CRAMP1: variants seen among roughly 807,000 people sequenced by gnomAD.
CRAMP1 encodes the protein protein cramped-like.
In CRAMP1, 50 loss-of-function variants were observed where a neutral mutation model predicts 115.4. That is an observed-to-expected ratio of 0.43 (90% CI 0.35 to 0.55). The LOEUF (loss-of-function observed/expected upper bound fraction) is 0.55. Ranked by LOEUF, CRAMP1 falls within the 20% of genes least tolerant of loss-of-function variation. The probability of loss-of-function intolerance (pLI) is 0.01; values close to 1 mark genes in which losing one functional copy is unlikely to be tolerated. For synonymous variants in CRAMP1, 866 were observed against 745.4 expected (o/e 1.16, Z -2.64); for missense variants, 1,679 against 1,721.7 (o/e 0.98, Z 0.44).
chr16:1,666,357 C>T lies in CRAMP1; in HGVS notation c.2858-65C>T. The T allele has an allele frequency of 6.7e-7, 1 of 1,483,022 alleles. No individual in the cohort carries two copies. The highest frequency in any genetic ancestry group is 9.2e-7 in the Non-Finnish European group (1 of 1,082,936). 91.9% of individuals were successfully genotyped at this position (1,483,022 alleles called of 1,614,324 possible). On this transcript the variant is annotated intron_variant, in intron 15 of 20. Coordinates refer to ENST00000397412, the MANE Select transcript of CRAMP1 (RefSeq NM_020825.4). The surrounding 1 kb of genome is among the most constrained non-coding windows in gnomAD (Gnocchi z 5.0). ...TGCGAGGGAGAAGCTGTTCCCCGAGCCCTCTTGGGACATCTTATGGGTTGT... is the reference window on the plus strand; with the variant it reads ...TGCGAGGGAGAAGCTGTTCCCCGAGTCCTCTTGGGACATCTTATGGGTTGT...
intron 17 of CRAMP1, among the ~76,000 whole-genome samples, chr16:1,667,694 A>C (rs971624909): frequency 4.6e-5 from 7 of 152,174 alleles, no homozygotes; most frequent in African/African-American, 1.7e-4. Context: ...GCTGTCAGCT[A>C]GTAACTCCCC....
chr16:1,653,269 T>C, intron 8 of CRAMP1, 113 bp downstream of exon 8: 1 of 1,269,194 alleles, frequency 7.9e-7, no homozygotes, highest in Admixed American at 2.2e-5. Flanking sequence ...ACCCCTATGC[T>C]CTGTCATCAC....
intron 2 of CRAMP1, among the ~76,000 whole-genome samples, chr16:1,624,225 T>C (rs2036489352): frequency 6.6e-6 from 1 of 151,804 alleles, no homozygotes; most frequent in South Asian, 2.1e-4. Context: ...CGATCTCTGC[T>C]CACTGCAACC....
chr16:1,665,001 G>A (rs2036861864), intron 13 of CRAMP1, 56 bp from the exon 14 acceptor site: 2 of 1,207,346 alleles, frequency 1.7e-6, no homozygotes, highest in Admixed American at 3.4e-5. Context: ...GTAACTGGGA[G>A]TGATTTTTTG....
intron 2 of CRAMP1, among the ~76,000 whole-genome samples, chr16:1,615,656 G>T (rs933028778): frequency 2.0e-5 from 3 of 152,186 alleles, no homozygotes; most frequent in African/African-American, 7.2e-5. Flanking sequence ...CTTAGCTGGG[G>T]TCTCTTACCA....
Position 1,674,089 on chromosome 16 carries a change from A to G in CRAMP1, c.*44A>G, listed in dbSNP as rs769535808. 3.8e-6 allele frequency: 6 copies of G among 1,582,760 alleles called. No homozygotes were observed. Among genetic ancestry groups the G allele is most frequent in the Non-Finnish European group, 5.2e-6 (6 of 1,162,628 alleles). ...GATGAAGCCCTCTTCGAGCTAGAGAAAAATAGATAAGCCCAGCAGCCCCAG... is the reference window on the plus strand; with the variant it reads ...GATGAAGCCCTCTTCGAGCTAGAGAGAAATAGATAAGCCCAGCAGCCCCAG... On this transcript the variant is annotated 3_prime_UTR_variant, in exon 21 of 21. Coordinates refer to ENST00000397412, the MANE Select transcript of CRAMP1 (RefSeq NM_020825.4).
chr16:1,670,480 T>A, intron 19 of CRAMP1, 184 bp from the exon 20 acceptor site: 2 of 647,064 alleles, frequency 3.1e-6, no homozygotes, highest in South Asian at 3.6e-5. Flanking sequence ...CACGAAGGCC[T>A]GTTAAACGAG....
chr16:1,660,470 A>G (rs1462129337), intron 11 of CRAMP1, among the ~76,000 whole-genome samples: 5 of 152,186 alleles, frequency 3.3e-5, no homozygotes, highest in Admixed American at 1.3e-4. Flanking sequence ...GGGAGGTGCC[A>G]GTAGGTTAAC....
chr16:1,646,893 G>A, intron 6 of CRAMP1: 1 of 563,828 alleles, frequency 1.8e-6, no homozygotes. Flanking sequence ...TGTGCCATCT[G>A]AAAGGACTGT....
At chr16:1,661,991 A>C (rs2036834798) in intron 11 of CRAMP1, among the ~76,000 whole-genome samples, 1 of 152,210 alleles carries the variant, frequency 6.6e-6, no homozygotes, top group Non-Finnish European at 1.5e-5. Flanking sequence ...GATCCAGCTC[A>C]CTGCCTGCTG....
chr16:1,673,807 G>A (rs928091075), intron 20 of CRAMP1, 74 bp from the exon 21 acceptor site: 42 of 1,459,424 alleles, frequency 2.9e-5, no homozygotes, highest in Middle Eastern at 4.3e-4. Context: ...TTCTCGTCCT[G>A]TTTCAGGACC....
intron 2 of CRAMP1, among the ~76,000 whole-genome samples, chr16:1,621,514 C>T (rs1028637719): frequency 2.6e-5 from 4 of 152,274 alleles, no homozygotes; most frequent in South Asian, 2.1e-4. Flanking sequence ...GGCGCTGACA[C>T]GGGCTAAGCA....
At chr16:1,617,085 A>C (rs979571232) in intron 2 of CRAMP1, among the ~76,000 whole-genome samples, 6 of 152,038 alleles carry the variant, frequency 3.9e-5, no homozygotes, top group Non-Finnish European at 2.9e-5. Context: ...CAGCCCCCCA[A>C]AGTGCTGGGA....
chr16:1,639,954 G>A (rs1567452570), intron 5 of CRAMP1, among the ~76,000 whole-genome samples: 1 of 152,190 alleles, frequency 6.6e-6, no homozygotes. Flanking sequence ...ATTGCTGAGT[G>A]AGGGGCACAC....
chr16:1,649,007 T>G (rs12919583), intron 6 of CRAMP1, among the ~76,000 whole-genome samples: 132 of 151,424 alleles, frequency 8.7e-4, no homozygotes, highest in Middle Eastern at 3.4e-3. Context: ...TGCAGTGAGC[T>G]GAGATCATGC....
At chr16:1,648,203 G>A (rs1019567184) in intron 6 of CRAMP1, among the ~76,000 whole-genome samples, 1 of 152,086 alleles carries the variant, frequency 6.6e-6, no homozygotes, top group Non-Finnish European at 1.5e-5. Flanking sequence ...ACACAGCTCC[G>A]CCAGCTGTTT....
chr16:1,666,435 A>G lies in CRAMP1; in HGVS notation c.2871A>G (p.Leu957=), dbSNP rs748414101. 46 of 1,613,202 alleles carry G rather than the reference A, an allele frequency of 2.9e-5. No homozygotes were observed. The highest frequency in any genetic ancestry group is 3.8e-5 in the Non-Finnish European group (45 of 1,179,540). ...TTTTGTTGCCAGGTGCTATCGACTTAGCAGCTACAAGTGCCGGCATCCTTT... is the reference window on the plus strand; with the variant it reads ...TTTTGTTGCCAGGTGCTATCGACTTGGCAGCTACAAGTGCCGGCATCCTTT... ...ATSHLASAID[L]AATSAGILSG... is the part of the protein sequence containing the mutation. Residue 957 remains leucine (L), a synonymous_variant, in exon 16 of 21, where the codon TTA becomes TTG. Coordinates refer to ENST00000397412, the MANE Select transcript of CRAMP1 (RefSeq NM_020825.4). This position sits in a 1 kb window ranked among gnomAD's most constrained non-coding sequence, Gnocchi z 5.0.
chr16:1,661,037 A>G (rs2036824868), intron 11 of CRAMP1, among the ~76,000 whole-genome samples: 1 of 151,564 alleles, frequency 6.6e-6, no homozygotes, highest in South Asian at 2.1e-4. Flanking sequence ...TGAGTTTTCA[A>G]CGTAAAATAA....
At chr16:1,615,220 G>T (rs570279518) in intron 2 of CRAMP1, among the ~76,000 whole-genome samples, 3 of 152,212 alleles carry the variant, frequency 2.0e-5, no homozygotes, top group African/African-American at 7.2e-5. Flanking sequence ...TTTTTGGGGG[G>T]GAGTCGAAGA....
Sources: allele counts gnomAD v4.1 joint callset (sites outside exome capture counted in the v4.1 genomes callset), GRCh38; gene constraint gnomAD v4.1.1; non-coding constraint Gnocchi (gnomAD v3.1); transcripts MANE v1.5; gene names NCBI Gene and HGNC (gene_info 2026-07-23, HGNC 2026-07-21).